Variants in ATG7 observed in about 807,000 individuals in gnomAD.
ATG7 encodes the protein autophagy related 7.
Under a neutral mutation model 82.4 loss-of-function variants are expected in ATG7, and 70 were observed. That is an observed-to-expected ratio of 0.85 (90% CI 0.70 to 1.04). The LOEUF (loss-of-function observed/expected upper bound fraction) is 1.04. Ranked by LOEUF, ATG7 falls within the 50% of genes least tolerant of loss-of-function variation. The pLI is 0.00. For missense variants in ATG7, 792 were observed against 864.3 expected (o/e 0.92, Z 1.05); for synonymous variants, 287 against 313.0 (o/e 0.92, Z 0.88).
At chr3:11,521,698 G>A (rs2092447349) in intron 20 of ATG7, among the ~76,000 whole-genome samples, 1 of 151,928 alleles carries the variant, frequency 6.6e-6, no homozygotes, top group Non-Finnish European at 1.5e-5. Flanking sequence ...GATTACAGGC[G>A]CCTGCCACCA....
Position 11,355,633 on chromosome 3 carries a change from AG to A in ATG7, c.1285-2782del, listed in dbSNP as rs1416928984. Among the ~76,000 whole-genome samples, 10 of 152,320 alleles carry A rather than the reference AG, an allele frequency of 6.6e-5. No homozygotes were observed. The South Asian group carries it at 2.1e-3, about 32-fold the overall frequency. ...AAAATGCTCAACGTCAATAGTCATC[AG>A]GGAAATACAAGTTAAAACCAGAGAG... On this transcript the variant is annotated intron_variant, in intron 14 of 20. Coordinates refer to ENST00000693202, the MANE Select transcript of ATG7 (RefSeq NM_001349232.2).
At chr3:11,293,868 A>T (rs945600138) in intron 3 of ATG7, among the ~76,000 whole-genome samples, 18 of 150,468 alleles carry the variant, frequency 1.2e-4, no homozygotes, top group Non-Finnish European at 7.4e-5. Flanking sequence ...AAAAAAAAAC[A>T]TTAGCCGGGC....
intron 20 of ATG7, among the ~76,000 whole-genome samples, chr3:11,525,311 A>G (rs2092548505): frequency 6.6e-6 from 1 of 151,114 alleles, no homozygotes. Context: ...GATTATAGGT[A>G]TGAGCCACTG....
chr3:11,449,588 G>A (rs554106272), intron 20 of ATG7, among the ~76,000 whole-genome samples: 24 of 152,218 alleles, frequency 1.6e-4, no homozygotes, highest in East Asian at 7.7e-4. Flanking sequence ...TGATTTTCCC[G>A]ACCCTTCCCT....
At chr3:11,568,516 C>T in the ATG7 span, 1 of 1,504,900 alleles carries the variant, frequency 6.6e-7, no homozygotes, top group Non-Finnish European at 9.0e-7. This position sits in a 1 kb window ranked among gnomAD's most constrained non-coding sequence, Gnocchi z 5.9. Flanking sequence ...GCACAGTGGG[C>T]ACTATGGGTC....
chr3:11,421,554 C>T (rs2081946946), intron 19 of ATG7, among the ~76,000 whole-genome samples: 1 of 152,174 alleles, frequency 6.6e-6, no homozygotes, highest in South Asian at 2.1e-4. Context: ...GATTTTTTCA[C>T]CACACCTACA....
chr3:11,471,142 A>G (rs1025459410), intron 20 of ATG7, among the ~76,000 whole-genome samples: 8 of 152,078 alleles, frequency 5.3e-5, no homozygotes, highest in Non-Finnish European at 8.8e-5. Flanking sequence ...TTGGAAACAC[A>G]CATATGAATA....
At chr3:11,572,971 CG>C in the ATG7 span, among the ~76,000 whole-genome samples, 2 of 151,882 alleles carry the variant, frequency 1.3e-5, no homozygotes, top group Non-Finnish European at 2.9e-5. Flanking sequence ...AGTTTGAGAC[CG>C]GCCTGACCAA....
intron 9 of ATG7, among the ~76,000 whole-genome samples, chr3:11,317,330 G>A (rs918847748): frequency 1.3e-5 from 2 of 152,162 alleles, no homozygotes; most frequent in Non-Finnish European, 2.9e-5. Flanking sequence ...GGAAGCGACC[G>A]TAGGTCAGGT....
chr3:11,406,866 CAT>C (rs760644658), intron 19 of ATG7, among the ~76,000 whole-genome samples: 1 of 152,188 alleles, frequency 6.6e-6, no homozygotes, highest in Non-Finnish European at 1.5e-5. Context: ...CCTCCCATAA[CAT>C]ATGGGAATTA....
intron 7 of ATG7, among the ~76,000 whole-genome samples, chr3:11,312,478 G>A (rs1255790396): frequency 6.6e-6 from 1 of 152,170 alleles, no homozygotes; most frequent in Non-Finnish European, 1.5e-5. Context: ...AGATATACCC[G>A]TGAAGATGTA....
intron 20 of ATG7, among the ~76,000 whole-genome samples, chr3:11,435,675 G>A (rs555732932): frequency 7.9e-5 from 12 of 152,262 alleles, no homozygotes; most frequent in Admixed American, 1.3e-4. Flanking sequence ...AGGCAGGACC[G>A]TGTGCAGCAG....
chr3:11,493,694 T>G (rs985756814), intron 20 of ATG7, among the ~76,000 whole-genome samples: 4 of 152,030 alleles, frequency 2.6e-5, no homozygotes, highest in Admixed American at 2.6e-4. Context: ...AGGCACAAGG[T>G]AGGTAAATAC....
intron 16 of ATG7, among the ~76,000 whole-genome samples, chr3:11,362,525 G>T (rs1394318633): frequency 6.6e-6 from 1 of 152,198 alleles, no homozygotes; most frequent in Non-Finnish European, 1.5e-5. Flanking sequence ...AACACATGAT[G>T]CAGTTCCATT....
chr3:11,526,551 ATT>A (rs1473832661), intron 20 of ATG7, among the ~76,000 whole-genome samples: 1 of 152,336 alleles, frequency 6.6e-6, no homozygotes, highest in Admixed American at 6.5e-5. Flanking sequence ...AGTGGTTATT[ATT>A]GGTGTATAGC....
intron 9 of ATG7, among the ~76,000 whole-genome samples, chr3:11,328,242 A>T (rs1951149467): frequency 6.6e-6 from 1 of 152,210 alleles, no homozygotes; most frequent in South Asian, 2.1e-4. Flanking sequence ...CTACAGCTCT[A>T]TGAAATAAGT....
chr3:11,475,754 T>C (rs546969718), intron 20 of ATG7, among the ~76,000 whole-genome samples: 39 of 152,230 alleles, frequency 2.6e-4, no homozygotes, highest in African/African-American at 7.0e-4. Context: ...AGGTCAGTTT[T>C]AAGCTAAAAT....
chr3:11,309,624 T>C (rs1484709165), intron 7 of ATG7, among the ~76,000 whole-genome samples: 1 of 151,642 alleles, frequency 6.6e-6, no homozygotes, highest in Non-Finnish European at 1.5e-5. Flanking sequence ...GAGGGAAAAG[T>C]AGGGAAAAGG....
chr3:11,380,213 A>G (rs1203956242), intron 19 of ATG7, among the ~76,000 whole-genome samples, 161 bp downstream of exon 19: 1 of 152,208 alleles, frequency 6.6e-6, no homozygotes, highest in Non-Finnish European at 1.5e-5. Flanking sequence ...ATGGATCTGT[A>G]TTCATTCTCA....
Sources: gnomAD v4.1 joint callset for allele counts (sites outside exome capture counted in the v4.1 genomes callset) on GRCh38, gnomAD v4.1.1 for gene constraint, Gnocchi (gnomAD v3.1) non-coding constraint, MANE v1.5 for transcripts, NCBI Gene and HGNC (gene_info 2026-07-23, HGNC 2026-07-21) for gene names.